HSF2BP: variants seen among roughly 807,000 people sequenced by gnomAD.
HSF2BP encodes heat shock transcription factor 2 binding protein.
Under a neutral mutation model 35.0 loss-of-function variants are expected in HSF2BP, and 35 were observed. The observed-to-expected ratio is 1.00, with a 90% CI of 0.76 to 1.32. The LOEUF (loss-of-function observed/expected upper bound fraction) is 1.32. HSF2BP is among the 40% of genes most tolerant of loss of function. The pLI is 0.00. For missense variants in HSF2BP, 326 were observed against 321.7 expected (o/e 1.01, Z -0.10); for synonymous variants, 114 against 117.4 (o/e 0.97, Z 0.18).
intron 6 of HSF2BP, among the ~76,000 whole-genome samples, chr21:43,621,106 C>A (rs2146955728): frequency 6.6e-6 from 1 of 152,156 alleles, no homozygotes; most frequent in South Asian, 2.1e-4. Flanking sequence ...ATGAGTGTAC[C>A]CCAAGGTATA....
At chr21:43,646,243 A>G (rs1473988120) in intron 3 of HSF2BP, among the ~76,000 whole-genome samples, 2 of 152,072 alleles carry the variant, frequency 1.3e-5, no homozygotes, top group Non-Finnish European at 2.9e-5. Flanking sequence ...CTGCTCTTTT[A>G]AGAAATATTG....
intron 7 of HSF2BP, among the ~76,000 whole-genome samples, chr21:43,600,963 A>G (rs546064015): frequency 7.2e-5 from 11 of 152,328 alleles, no homozygotes; most frequent in African/African-American, 2.6e-4. Context: ...AGATTTGTTT[A>G]TGTTGATTTC....
At chr21:43,618,200 C>G (rs576215066) in intron 6 of HSF2BP, among the ~76,000 whole-genome samples, 1 of 151,896 alleles carries the variant, frequency 6.6e-6, no homozygotes, top group South Asian at 2.1e-4. Context: ...TTTGAGGCTA[C>G]AGCGAATTAT....
intron 6 of HSF2BP, among the ~76,000 whole-genome samples, chr21:43,623,347 G>A (rs2082352727): frequency 1.3e-5 from 2 of 152,052 alleles, no homozygotes; most frequent in Admixed American, 1.3e-4. Flanking sequence ...ATAAATGCCT[G>A]TATCAAAAAA....
chr21:43,466,546 C>T, the HSF2BP span, among the ~76,000 whole-genome samples: 12 of 20,912 alleles, frequency 5.7e-4, 4 homozygotes, highest in Non-Finnish European at 8.8e-4. Flanking sequence ...CCCCCCCCTC[C>T]GACCACCCTG....
intron 7 of HSF2BP, among the ~76,000 whole-genome samples, chr21:43,601,401 C>A (rs771996415): frequency 6.6e-6 from 1 of 152,180 alleles, no homozygotes; most frequent in Non-Finnish European, 1.5e-5. Context: ...GAATCTTTCC[C>A]ATGTTTATGA....
chr21:43,615,284 T>G (rs2146929830), intron 6 of HSF2BP, among the ~76,000 whole-genome samples: 1 of 152,342 alleles, frequency 6.6e-6, no homozygotes, highest in Middle Eastern at 3.4e-3. Flanking sequence ...CAGTTAAGTG[T>G]GATGTCTGAT....
At chr21:43,644,257 G>A (rs775257438) in intron 4 of HSF2BP, 32 bp downstream of exon 4, 7 of 1,543,310 alleles carry the variant, frequency 4.5e-6, no homozygotes, top group Non-Finnish European at 5.4e-6. Flanking sequence ...CCACTTTCTG[G>A]CTTGGTGAGA....
chr21:43,649,808 A>G (rs1431511797), intron 3 of HSF2BP, among the ~76,000 whole-genome samples: 1 of 152,224 alleles, frequency 6.6e-6, no homozygotes, highest in African/African-American at 2.4e-5. Context: ...TCCAAAATGA[A>G]CAATTGCCAA....
intron 1 of HSF2BP, among the ~76,000 whole-genome samples, 151 bp from the exon 2 acceptor site, chr21:43,658,471 C>T (rs1290606054): frequency 6.6e-6 from 1 of 152,218 alleles, no homozygotes; most frequent in Non-Finnish European, 1.5e-5. Flanking sequence ...CGCGCGCCTT[C>T]CCTCGCTCGG....
At chr21:43,640,300 C>T (rs975619698) in intron 4 of HSF2BP, among the ~76,000 whole-genome samples, 1 of 152,304 alleles carries the variant, frequency 6.6e-6, no homozygotes, top group Admixed American at 6.5e-5. Context: ...GAGACTCTGT[C>T]TCAAGGAAAA....
chr21:43,601,148 T>C (rs1244876777), intron 7 of HSF2BP, among the ~76,000 whole-genome samples: 1 of 152,190 alleles, frequency 6.6e-6, no homozygotes, highest in Non-Finnish European at 1.5e-5. Flanking sequence ...AAACGTTCTC[T>C]GGAGTACACA....
At chr21:43,571,917 C>T (rs565646270) in intron 8 of HSF2BP, among the ~76,000 whole-genome samples, 12 of 151,120 alleles carry the variant, frequency 7.9e-5, no homozygotes, top group African/African-American at 2.7e-4. Context: ...AACAAAACAG[C>T]GGGGAGAGAG....
chr21:43,578,562 C>T (rs536568663), intron 8 of HSF2BP, among the ~76,000 whole-genome samples: 4 of 152,312 alleles, frequency 2.6e-5, no homozygotes, highest in African/African-American at 9.6e-5. Context: ...AGAAAGGCAA[C>T]ATAGGTCCTT....
chr21:43,598,588 C>T (rs1601642307), intron 7 of HSF2BP, among the ~76,000 whole-genome samples: 1 of 151,980 alleles, frequency 6.6e-6, no homozygotes, highest in African/African-American at 2.4e-5. Context: ...TATGCAAGCA[C>T]CCTCCAGAAC....
chr21:43,583,043 G>GA (rs1336456351), intron 8 of HSF2BP, among the ~76,000 whole-genome samples: 1 of 17,596 alleles, frequency 5.7e-5, no homozygotes, highest in Admixed American at 6.1e-4. Flanking sequence ...TGAGGGAGAT[G>GA]AGGACCTGCT....
chr21:43,614,084 C>T (rs1335176657), intron 6 of HSF2BP, 137 bp from the exon 7 acceptor site: 3 of 682,408 alleles, frequency 4.4e-6, no homozygotes, highest in Non-Finnish European at 7.6e-6. Flanking sequence ...AATGAAATTG[C>T]TAGGCATGGT....
At chr21:43,588,495 G>A (rs1055025106) in intron 8 of HSF2BP, among the ~76,000 whole-genome samples, 3 of 151,722 alleles carry the variant, frequency 2.0e-5, no homozygotes, top group East Asian at 1.9e-4. Context: ...GGAGCCAGGC[G>A]GTCGGGGTCT....
At chr21:43,657,210 A>G (rs2082882495) in intron 2 of HSF2BP, among the ~76,000 whole-genome samples, 1 of 152,180 alleles carries the variant, frequency 6.6e-6, no homozygotes, top group Non-Finnish European at 1.5e-5. Flanking sequence ...ATCTCACTAA[A>G]AATACAAAAA....
Sources: allele counts gnomAD v4.1 joint callset (sites outside exome capture counted in the v4.1 genomes callset), GRCh38; gene constraint gnomAD v4.1.1; transcripts MANE v1.5; gene names NCBI Gene and HGNC (gene_info 2026-07-23, HGNC 2026-07-21).